APPL1: variants seen among roughly 807,000 people sequenced by gnomAD.
APPL1 encodes the protein DCC-interacting protein 13-alpha.
In APPL1, 42 loss-of-function variants were observed where a neutral mutation model predicts 106.8. The ratio of observed to expected loss-of-function variants is 0.39; its 90% CI spans 0.31 to 0.51. APPL1 has a LOEUF of 0.51. APPL1 is among the 20% of genes least tolerant of loss of function. APPL1 has a pLI of 0.75. For synonymous variants in APPL1, 263 were observed against 281.8 expected, an observed-to-expected ratio of 0.93 and a Z score of 0.67; for missense variants, 769 against 858.2, an observed-to-expected ratio of 0.90 and a Z score of 1.30.
chr3:57,260,412 C>T (rs2060858918), intron 18 of APPL1: 2 of 538,952 alleles, frequency 3.7e-6, no homozygotes, highest in Non-Finnish European at 6.1e-6. Context: ...GTGTTAATGA[C>T]TAATAAAACA....
chr3:57,273,239 C>CTATT lies in APPL1; in HGVS notation c.*3553_*3556dup, dbSNP rs1419962510. 4 of 152,666 alleles carry CTATT rather than the reference C, an allele frequency of 2.6e-5. No homozygotes were observed. In the East Asian group the frequency reaches 7.7e-4, roughly 30 times the overall value. The allele number at this position is 152,666 out of a possible 1,614,324, so 9.5% of individuals were successfully genotyped here. A position where few individuals can be genotyped will look rare whatever the true frequency, so the allele number is the denominator to read the frequency against. ...TGAATTGATTCTTATTTCACTGATA[C>CTATT]TATTAATCATGCAGTGTACAATTCA... On this transcript the variant is annotated 3_prime_UTR_variant, in exon 22 of 22. Transcript: ENST00000288266.
intron 15 of APPL1, 86 bp downstream of exon 15, chr3:57,257,514 A>G: frequency 8.7e-7 from 1 of 1,146,204 alleles, no homozygotes; most frequent in Non-Finnish European, 1.2e-6. Context: ...TCTCTTATTT[A>G]TAATGTATAT....
chr3:57,232,913 A>G (rs1336573829), intron 1 of APPL1, among the ~76,000 whole-genome samples: 4 of 152,116 alleles, frequency 2.6e-5, no homozygotes, highest in African/African-American at 9.7e-5. Context: ...GAGGCAGGAG[A>G]ATGGCATGAA....
intron 1 of APPL1, among the ~76,000 whole-genome samples, chr3:57,232,225 C>T (rs2060690351): frequency 6.6e-6 from 1 of 152,168 alleles, no homozygotes; most frequent in South Asian, 2.1e-4. Context: ...ACAGTGAAGA[C>T]AAACCCCAGT....
intron 10 of APPL1, among the ~76,000 whole-genome samples, chr3:57,249,035 A>G (rs1430588091): frequency 6.6e-6 from 1 of 152,214 alleles, no homozygotes; most frequent in Non-Finnish European, 1.5e-5. Context: ...GAAGCAGGTT[A>G]ACCCTAGAAA....
chr3:57,245,805 A>G (rs570025310), intron 7 of APPL1, among the ~76,000 whole-genome samples: 48 of 152,190 alleles, frequency 3.2e-4, no homozygotes, highest in African/African-American at 9.4e-4. Flanking sequence ...TCGGCCTCCC[A>G]AAGTGCTGGG....
intron 1 of APPL1, among the ~76,000 whole-genome samples, chr3:57,231,317 C>G (rs1184369966): frequency 2.7e-5 from 3 of 112,802 alleles, no homozygotes; most frequent in Admixed American, 1.3e-4. Context: ...CCAGCCCGGG[C>G]AACCGTGCGA....
chr3:57,235,173 T>C (rs1379557885), intron 1 of APPL1, among the ~76,000 whole-genome samples: 3 of 152,216 alleles, frequency 2.0e-5, no homozygotes, highest in Non-Finnish European at 4.4e-5. Context: ...TGGCCTCTTC[T>C]AGCAAAAACT....
intron 12 of APPL1, among the ~76,000 whole-genome samples, chr3:57,253,048 C>A (rs76530916): frequency 0.014 from 2,125 of 152,208 alleles, 34 homozygotes; most frequent in African/African-American, 0.049. Flanking sequence ...AGACAAATGT[C>A]TCTGTTCTCT....
chr3:57,252,379 T>C (rs1001715283), intron 12 of APPL1, 68 bp downstream of exon 12: 84 of 1,156,662 alleles, frequency 7.3e-5, no homozygotes, highest in Non-Finnish European at 9.5e-5. Context: ...AAAACATATA[T>C]TAATGTGTTC....
At chr3:57,255,653 A>C (rs1219756038) in intron 13 of APPL1, among the ~76,000 whole-genome samples, 1 of 152,206 alleles carries the variant, frequency 6.6e-6, no homozygotes, top group African/African-American at 2.4e-5. Flanking sequence ...TATTTATTAC[A>C]ATTATGTCTA....
At chr3:57,239,143 C>T (rs1301923895) in intron 4 of APPL1, among the ~76,000 whole-genome samples, 1 of 152,192 alleles carries the variant, frequency 6.6e-6, no homozygotes. Context: ...AACTTATTCA[C>T]TACCACGAGA....
At chr3:57,236,485 C>T (rs921769806) in intron 2 of APPL1, among the ~76,000 whole-genome samples, 4 of 151,658 alleles carry the variant, frequency 2.6e-5, no homozygotes, top group African/African-American at 7.3e-5. Flanking sequence ...TGCACTACTA[C>T]GCCCAGATAA....
At chr3:57,234,910 CT>C (rs1288511197) in intron 1 of APPL1, among the ~76,000 whole-genome samples, 1 of 152,148 alleles carries the variant, frequency 6.6e-6, no homozygotes, top group African/African-American at 2.4e-5. Flanking sequence ...CTGCCTCGGC[CT>C]CCCAAAGTGC....
chr3:57,255,183 G>T (rs553079428), intron 13 of APPL1, among the ~76,000 whole-genome samples: 98 of 152,248 alleles, frequency 6.4e-4, no homozygotes, highest in African/African-American at 2.3e-3. Flanking sequence ...AGTAGGTACT[G>T]CAGTATAGTT....
intron 12 of APPL1, among the ~76,000 whole-genome samples, 166 bp from the exon 13 acceptor site, chr3:57,253,516 A>G (rs1219619556): frequency 6.6e-6 from 1 of 152,050 alleles, no homozygotes; most frequent in African/African-American, 2.4e-5. Context: ...AGGAAGATAA[A>G]TATATTACTT....
intron 10 of APPL1, 124 bp downstream of exon 10, chr3:57,248,475 G>GT (rs2060786681): frequency 5.4e-6 from 6 of 1,115,466 alleles, no homozygotes; most frequent in South Asian, 3.4e-5. Context: ...TTTTAGAGGT[G>GT]TTAGTATTTA....
rs112084968 is a variant in APPL1 at position 57,250,846 on chromosome 3, C to T, written c.1052+1298C>T. On this transcript the variant is annotated intron_variant, in intron 11 of 21. Transcript: ENST00000288266. ...TTTTTGAGACGGAGTCTCGCTCTGT[C>T]GCCCAGGCTGGAGTGCAGTGGCGCG... Among the ~76,000 whole-genome samples the T allele has an allele frequency of 4.8e-3, 588 of 123,272 alleles. 6 individuals carry two copies. The highest frequency in any genetic ancestry group is 0.016 in the African/African-American group (547 of 33,908). 80.9% of individuals were successfully genotyped at this position (123,272 alleles called of 152,430 possible).
chr3:57,263,041 G>C (rs1559514157), intron 19 of APPL1, among the ~76,000 whole-genome samples: 1 of 151,806 alleles, frequency 6.6e-6, no homozygotes, highest in Admixed American at 6.6e-5. Flanking sequence ...AGTAGAGACA[G>C]GGTTTCTCCA....
Sources: allele counts gnomAD v4.1 joint callset (sites outside exome capture counted in the v4.1 genomes callset), GRCh38; gene constraint gnomAD v4.1.1; transcripts MANE v1.5; gene names NCBI Gene and HGNC (gene_info 2026-07-23, HGNC 2026-07-21).